ATP2A2: variants seen among roughly 807,000 people sequenced by gnomAD.
ATP2A2 encodes the protein ATPase sarcoplasmic/endoplasmic reticulum Ca2+ transporting 2.
Under a neutral mutation model 109.3 loss-of-function variants are expected in ATP2A2, and 14 were observed. The observed-to-expected ratio is 0.13, with a 90% CI of 0.08 to 0.20. ATP2A2 has a LOEUF of 0.20. ATP2A2 is among the 10% of genes least tolerant of loss of function. ATP2A2 has a pLI of 1.00. For missense variants in ATP2A2, 657 were observed against 1,321.6 expected (o/e 0.50, Z 7.80); for synonymous variants, 506 against 490.9 (o/e 1.03, Z -0.41).
intron 11 of ATP2A2, among the ~76,000 whole-genome samples, chr12:110,338,009 G>C (rs192588019): frequency 1.3e-5 from 2 of 152,312 alleles, no homozygotes; most frequent in East Asian, 3.9e-4. Context: ...TTCCTATTTT[G>C]TTGGTGCTGT....
At chr12:110,308,684 A>G (rs1592820401) in intron 5 of ATP2A2, among the ~76,000 whole-genome samples, 1 of 152,334 alleles carries the variant, frequency 6.6e-6, no homozygotes, top group East Asian at 1.9e-4. Flanking sequence ...TGACTGTGCA[A>G]TCTAGCATTT....
intron 11 of ATP2A2, 114 bp downstream of exon 11, chr12:110,334,257 AC>A (rs1296741187): frequency 1.6e-5 from 21 of 1,297,590 alleles, no homozygotes; most frequent in Middle Eastern, 3.7e-4. Flanking sequence ...ATCTCCTCAA[AC>A]TTACAGTATT....
intron 5 of ATP2A2, among the ~76,000 whole-genome samples, chr12:110,304,525 T>C (rs1421706659): frequency 6.6e-6 from 1 of 152,224 alleles, no homozygotes; most frequent in African/African-American, 2.4e-5. Flanking sequence ...GTTTCCCTAA[T>C]TTCTTAATGA....
At chr12:110,293,733 A>G (rs1873611641) in intron 4 of ATP2A2, among the ~76,000 whole-genome samples, 1 of 151,460 alleles carries the variant, frequency 6.6e-6, no homozygotes, top group Non-Finnish European at 1.5e-5. Flanking sequence ...GAAATTGTAA[A>G]CTTCTAATCT....
intron 17 of ATP2A2, 32 bp from the exon 18 acceptor site, chr12:110,345,217 G>C (rs1240742970): frequency 1.9e-6 from 3 of 1,614,110 alleles, no homozygotes; most frequent in Non-Finnish European, 2.5e-6. Context: ...AATATACTGG[G>C]CTGATAGGAA....
At chr12:110,319,283 A>G (rs1285021880) in intron 5 of ATP2A2, among the ~76,000 whole-genome samples, 1 of 150,658 alleles carries the variant, frequency 6.6e-6, no homozygotes, top group Non-Finnish European at 1.5e-5. Flanking sequence ...GCATTTAATC[A>G]TACTCTTAAA....
intron 3 of ATP2A2, among the ~76,000 whole-genome samples, chr12:110,291,339 G>A (rs762771315): frequency 5.3e-5 from 8 of 151,958 alleles, no homozygotes; most frequent in Non-Finnish European, 8.8e-5. Context: ...CAGTAGGTGG[G>A]ATTACTGACA....
chr12:110,332,599 G>T lies in ATP2A2; in HGVS notation c.1098G>T (p.Met366Ile). The change falls in exon 9 of 20, where the codon ATG (methionine) becomes ATT (isoleucine). Residue 366 changes from methionine (M) to isoleucine (I), a missense_variant and splice_region_variant. Coordinates refer to ENST00000539276, the MANE Select transcript of ATP2A2 (RefSeq NM_170665.4). ...TCTGATGCGCTCTCCCCCTACAGAT[G>T]TTCATTCTGGACAGAGTGGAAGGTG... ...LTTNQMSVCRMFILDRVEGDT... is the reference protein window; with the variant it reads ...LTTNQMSVCRIFILDRVEGDT... The T allele has an allele frequency of 6.2e-7, 1 of 1,611,136 alleles. No homozygotes were observed. The highest frequency in any genetic ancestry group is 1.1e-5 in the South Asian group (1 of 91,022).
chr12:110,296,500 T>C, intron 4 of ATP2A2, 99 bp from the exon 5 acceptor site: 1 of 1,501,698 alleles, frequency 6.7e-7, no homozygotes, highest in East Asian at 2.3e-5. Context: ...GGGCTTCCTT[T>C]CTTTTTAAAG....
chr12:110,344,751 T>G, intron 16 of ATP2A2, 135 bp from the exon 17 acceptor site: 1 of 835,248 alleles, frequency 1.2e-6, no homozygotes, highest in Non-Finnish European at 2.0e-6. Flanking sequence ...CAGGTGGTGG[T>G]AGCACCACAG....
intron 1 of ATP2A2, 93 bp from the exon 2 acceptor site, chr12:110,282,511 C>A (rs1872239008): frequency 6.7e-7 from 1 of 1,493,264 alleles, no homozygotes; most frequent in Admixed American, 1.7e-5. Flanking sequence ...TGTAGCAGTT[C>A]TTTTTAGAAA....
chr12:110,302,647 T>C (rs1300023658), intron 5 of ATP2A2, among the ~76,000 whole-genome samples: 1 of 152,004 alleles, frequency 6.6e-6, no homozygotes, highest in African/African-American at 2.4e-5. Flanking sequence ...CTGTGCAGGC[T>C]GGAATGCAGT....
At position 110,281,699 on chromosome 12, in the gene ATP2A2, CCCGGGGTGGCA is replaced by C. The variant is rs1872102047; in HGVS notation, c.-89_-79del. 1 of 900,124 alleles carries C rather than the reference CCCGGGGTGGCA, an allele frequency of 1.1e-6. No homozygotes were observed. The highest frequency in any genetic ancestry group is 1.8e-5 in the African/African-American group (1 of 55,964). 55.8% of individuals were successfully genotyped at this position (900,124 alleles called of 1,614,324 possible). ...GGGAGAGCCCGTCCGCGCCTGGGCTCCCGGGGTGGCACGAGCCCGCGGCCGGAGTGCGAGGC... is the reference window on the plus strand; with the variant it reads ...GGGAGAGCCCGTCCGCGCCTGGGCTCCGAGCCCGCGGCCGGAGTGCGAGGC... On this transcript the variant is annotated 5_prime_UTR_variant, in exon 1 of 20. Coordinates refer to ENST00000539276, the MANE Select transcript of ATP2A2 (RefSeq NM_170665.4).
In ATP2A2 at chr12:110,347,220, A is replaced by G. The variant is rs888972555; in HGVS notation, c.*750A>G. ...TTTAAGGTTATTTATTTAAATGTCTAATGTATTTTATTGTAACAGACATTG... is the reference window on the plus strand; with the variant it reads ...TTTAAGGTTATTTATTTAAATGTCTGATGTATTTTATTGTAACAGACATTG... On this transcript the variant is annotated 3_prime_UTR_variant, in exon 20 of 20. Coordinates refer to ENST00000539276, the MANE Select transcript of ATP2A2 (RefSeq NM_170665.4). 5.0e-6 allele frequency: 6 copies of G among 1,198,436 alleles called. No homozygotes were observed. The African/African-American group carries it at 9.6e-5, about 19-fold the overall frequency. 74.2% of individuals were successfully genotyped at this position (1,198,436 alleles called of 1,614,324 possible). A position where few individuals can be genotyped will look rare whatever the true frequency, so the allele number is the denominator to read the frequency against.
intron 5 of ATP2A2, among the ~76,000 whole-genome samples, chr12:110,320,338 G>A (rs148236394): frequency 6.6e-6 from 1 of 152,284 alleles, no homozygotes; most frequent in East Asian, 1.9e-4. Flanking sequence ...ATAGATTGAC[G>A]ACCGCTATCT....
chr12:110,295,440 C>T (rs990290173), intron 4 of ATP2A2, among the ~76,000 whole-genome samples: 8 of 152,310 alleles, frequency 5.3e-5, no homozygotes, highest in African/African-American at 1.9e-4. Context: ...GCTGGGATTA[C>T]AGGCATGAGC....
chr12:110,347,463 C>A lies in ATP2A2; in HGVS notation c.*993C>A, dbSNP rs745879293. 3.3e-5 allele frequency: 42 copies of A among 1,288,858 alleles called. No individual in the cohort carries two copies. The Middle Eastern group carries it at 8.5e-4, about 26-fold the overall frequency. 79.8% of individuals were successfully genotyped at this position (1,288,858 alleles called of 1,614,324 possible). A position where few individuals can be genotyped will look rare whatever the true frequency, so the allele number is the denominator to read the frequency against. ...GCTCCTGCTCTGCTGTGTAGGTAGT[C>A]ATAGGAATTGTATTCTTAATGTACA... On this transcript the variant is annotated 3_prime_UTR_variant, in exon 20 of 20. Transcript: ENST00000539276.
At chr12:110,287,600 T>C (rs1264622141) in intron 3 of ATP2A2, among the ~76,000 whole-genome samples, 1 of 152,162 alleles carries the variant, frequency 6.6e-6, no homozygotes, top group African/African-American at 2.4e-5. Flanking sequence ...CTGCTGTTCA[T>C]GAAGCTTGTT....
At chr12:110,343,942 T>C (rs912399339) in intron 16 of ATP2A2, among the ~76,000 whole-genome samples, 5 of 152,094 alleles carry the variant, frequency 3.3e-5, no homozygotes, top group Admixed American at 2.0e-4. Context: ...TGGGATCCCA[T>C]AGGAAGGCAT....
Sources: gnomAD v4.1 joint callset for allele counts (sites outside exome capture counted in the v4.1 genomes callset) on GRCh38, gnomAD v4.1.1 for gene constraint, MANE v1.5 for transcripts, NCBI Gene and HGNC (gene_info 2026-07-23, HGNC 2026-07-21) for gene names.